Variants in GPC6 observed in about 807,000 individuals in gnomAD.
The protein encoded by GPC6 is glypican 6, also known as glypican-6.
Under a neutral mutation model 55.2 loss-of-function variants are expected in GPC6, and 14 were observed. That is an observed-to-expected ratio of 0.25 (90% CI 0.17 to 0.40). The LOEUF is 0.40. Ranked by LOEUF, GPC6 falls within the 10% of genes least tolerant of loss-of-function variation. The pLI, the probability that GPC6 is intolerant of heterozygous loss-of-function variation, is 1.00. For missense variants in GPC6, 641 were observed against 708.5 expected, an observed-to-expected ratio of 0.90 and a Z score of 1.08; for synonymous variants, 278 against 259.6, an observed-to-expected ratio of 1.07 and a Z score of -0.68.
At chr13:94,266,135 TCTTTA>T (rs1891793754) in intron 4 of GPC6, among the ~76,000 whole-genome samples, 1 of 131,616 alleles carries the variant, frequency 7.6e-6, no homozygotes. Context: ...GTTTTTCTTT[TCTTTA>T]CTTTTCTTTT....
intron 6 of GPC6, among the ~76,000 whole-genome samples, chr13:94,314,266 T>C (rs557201916): frequency 1.1e-4 from 16 of 152,204 alleles, no homozygotes; most frequent in Admixed American, 5.9e-4. Flanking sequence ...CAAAAAAGAA[T>C]ATGTAGAAGG....
At chr13:93,627,351 G>A (rs1046052521) in intron 2 of GPC6, among the ~76,000 whole-genome samples, 1 of 152,106 alleles carries the variant, frequency 6.6e-6, no homozygotes, top group African/African-American at 2.4e-5. Flanking sequence ...TTTTATGGCT[G>A]CGTAATATTT....
chr13:94,369,949 G>A (rs1173468208), intron 6 of GPC6, among the ~76,000 whole-genome samples: 3 of 152,192 alleles, frequency 2.0e-5, no homozygotes, highest in South Asian at 4.1e-4. Flanking sequence ...CAGCAATGCT[G>A]TTCGTGTATT....
chr13:94,027,752 C>T lies in GPC6; in HGVS notation c.735C>T (p.Ile245=). 6.2e-7 allele frequency: 1 copy of T among 1,614,046 alleles called. No individual in the cohort carries two copies. The highest frequency in any genetic ancestry group is 8.5e-7 in the Non-Finnish European group (1 of 1,179,994). The change falls in exon 4 of 9, where the codon ATC becomes ATT. Residue 245 remains isoleucine (I), a synonymous_variant. Transcript: ENST00000377047. The part of the protein sequence containing the change: ...VSKVSPTPGC[I]RALMKMLYCP... ...AGGTCAGCCCAACCCCAGGGTGTAT[C>T]CGTGCCCTCATGAAGATGCTGTACT...
chr13:93,364,290 G>A (rs1449423932), intron 1 of GPC6, among the ~76,000 whole-genome samples: 1 of 151,924 alleles, frequency 6.6e-6, no homozygotes, highest in African/African-American at 2.4e-5. Context: ...AATGATTTTT[G>A]GTTTAGTCAC....
At chr13:94,144,566 T>TGTGTGTGC in intron 4 of GPC6, among the ~76,000 whole-genome samples, 1 of 149,814 alleles carries the variant, frequency 6.7e-6, no homozygotes, top group Non-Finnish European at 1.5e-5. Context: ...TGTGTGTGTG[T>TGTGTGTGC]GTGTGTGTAT....
chr13:93,626,473 G>C (rs976034898), intron 2 of GPC6, among the ~76,000 whole-genome samples: 22 of 152,020 alleles, frequency 1.4e-4, no homozygotes, highest in Admixed American at 3.9e-4. Flanking sequence ...GCCAATTTTG[G>C]ATAACCCTTG....
At chr13:93,468,981 T>A (rs906740237) in intron 1 of GPC6, among the ~76,000 whole-genome samples, 1 of 152,146 alleles carries the variant, frequency 6.6e-6, no homozygotes. Flanking sequence ...GGCTTAGTTC[T>A]CCACTTCAAT....
intron 6 of GPC6, among the ~76,000 whole-genome samples, chr13:94,370,197 G>T (rs1879477107): frequency 6.6e-6 from 1 of 152,218 alleles, no homozygotes; most frequent in Admixed American, 6.5e-5. Flanking sequence ...TTTGATCCCT[G>T]GGTGAAACTT....
chr13:93,518,373 T>TA (rs1881285601), intron 1 of GPC6, among the ~76,000 whole-genome samples: 1 of 151,878 alleles, frequency 6.6e-6, no homozygotes, highest in African/African-American at 2.4e-5. Context: ...TTCCGTCAAC[T>TA]CTTCTTGCTT....
At chr13:94,240,430 C>T (rs1156842266) in intron 4 of GPC6, among the ~76,000 whole-genome samples, 1 of 152,056 alleles carries the variant, frequency 6.6e-6, no homozygotes, top group Non-Finnish European at 1.5e-5. Context: ...CTTCTGGAGA[C>T]ACTCAATGGC....
rs1312507703 is a variant in GPC6 at position 94,270,982 on chromosome 13, T to A, written c.878-15367T>A. ...AAGTATAATTTTTTTTTTTTTTTTT[T>A]TTTTTTTTTTTTTTTTTTTTTTTCT... On this transcript the variant is annotated intron_variant, in intron 4 of 8. Transcript: ENST00000377047. Among the ~76,000 whole-genome samples the A allele has an allele frequency of 4.6e-4, 51 of 111,218 alleles. 1 individual carries two copies. The highest frequency in any genetic ancestry group is 1.7e-3 in the African/African-American group (47 of 28,212). 73.0% of individuals were successfully genotyped at this position (111,218 alleles called of 152,430 possible). A position where few individuals can be genotyped will look rare whatever the true frequency, so the allele number is the denominator to read the frequency against.
intron 2 of GPC6, among the ~76,000 whole-genome samples, chr13:93,648,996 T>A (rs2139596247): frequency 6.6e-6 from 1 of 152,296 alleles, no homozygotes; most frequent in African/African-American, 2.4e-5. Context: ...CATTTAAAAA[T>A]TTTTGAGATA....
chr13:94,406,375 T>A lies in GPC6; in HGVS notation c.*3158T>A, dbSNP rs1273524830. ...ATGGTTCTGTATTGAAGGACAACCA[T>A]GACAACCTTCTGTCATTTTCACGAA... On this transcript the variant is annotated 3_prime_UTR_variant, in exon 9 of 9. Transcript: ENST00000377047. 1 of 152,168 alleles carries A rather than the reference T, an allele frequency of 6.6e-6. No homozygotes were observed. Among genetic ancestry groups the A allele is most frequent in the Non-Finnish European group, 1.5e-5 (1 of 67,976 alleles). 9.4% of individuals were successfully genotyped at this position (152,168 alleles called of 1,614,324 possible). A position where few individuals can be genotyped will look rare whatever the true frequency, so the allele number is the denominator to read the frequency against.
Position 93,850,430 on chromosome 13 carries a change from G to A in GPC6, c.711+19885G>A, listed in dbSNP as rs117500324. Among the ~76,000 whole-genome samples, 183 of 151,954 alleles carry A rather than the reference G, an allele frequency of 1.2e-3. 4 individuals carry two copies. In the East Asian group the frequency reaches 0.033, roughly 27 times the overall value. On this transcript the variant is annotated intron_variant, in intron 3 of 8. Transcript: ENST00000377047. Reference sequence around the variant, plus strand: ...AACCTATGGGGACCCTTTGACCTTAGACCATTTTATTTTGCCAGTCACAGA... The same window carrying A: ...AACCTATGGGGACCCTTTGACCTTAAACCATTTTATTTTGCCAGTCACAGA...
intron 2 of GPC6, among the ~76,000 whole-genome samples, chr13:93,696,376 CTAAA>C (rs1307877458): frequency 6.6e-6 from 1 of 152,044 alleles, no homozygotes; most frequent in Non-Finnish European, 1.5e-5. Context: ...AATCCACATA[CTAAA>C]TAAAGATAAG....
At chr13:94,321,290 C>T (rs1202348441) in intron 6 of GPC6, among the ~76,000 whole-genome samples, 1 of 152,120 alleles carries the variant, frequency 6.6e-6, no homozygotes, top group African/African-American at 2.4e-5. Context: ...TGTATATGTA[C>T]CACATTTTCT....
At chr13:93,557,011 ATTAAAATGACT>A (rs1875519215) in intron 2 of GPC6, among the ~76,000 whole-genome samples, 1 of 152,310 alleles carries the variant, frequency 6.6e-6, no homozygotes, top group East Asian at 1.9e-4. Flanking sequence ...GTGTTAAAGG[ATTAAAATGACT>A]TTATGCCTAA....
intron 3 of GPC6, among the ~76,000 whole-genome samples, chr13:93,931,790 A>G (rs890324084): frequency 1.4e-5 from 2 of 147,904 alleles, no homozygotes; most frequent in Non-Finnish European, 3.0e-5. Flanking sequence ...AAAAAAAAAG[A>G]TCAGGAGGCA....
Sources: gnomAD v4.1 joint callset for allele counts (sites outside exome capture counted in the v4.1 genomes callset) on GRCh38, gnomAD v4.1.1 for gene constraint, MANE v1.5 for transcripts, NCBI Gene and HGNC (gene_info 2026-07-23, HGNC 2026-07-21) for gene names.